The following DLC1 variants were observed in gnomAD, a reference collection of about 807,000 sequenced individuals.
DLC1 encodes rho GTPase-activating protein 7.
A neutral mutation model predicts 140.3 loss-of-function variants in DLC1; 54 were observed. That is an observed-to-expected ratio of 0.38 (90% CI 0.31 to 0.48). The LOEUF is 0.48. DLC1 is among the 20% of genes least tolerant of loss of function. The pLI is 0.96. For missense variants in DLC1, 2,536 were observed against 1,907.0 expected, an observed-to-expected ratio of 1.33 and a Z score of -6.14; for synonymous variants, 986 against 728.1, an observed-to-expected ratio of 1.35 and a Z score of -5.70.
chr8:13,320,161 G>T (rs913217404), intron 4 of DLC1, among the ~76,000 whole-genome samples: 1 of 152,038 alleles, frequency 6.6e-6, no homozygotes, highest in African/African-American at 2.4e-5. Context: ...AGGCTGGTTT[G>T]GGTTCTAAGT....
At chr8:13,111,442 A>G (rs961030125) in intron 6 of DLC1, among the ~76,000 whole-genome samples, 1 of 152,210 alleles carries the variant, frequency 6.6e-6, no homozygotes, top group African/African-American at 2.4e-5. Flanking sequence ...GCTATAGAAC[A>G]ACAGAATCTC....
At chr8:13,383,664 C>T (rs6994737) in intron 4 of DLC1, among the ~76,000 whole-genome samples, 19,949 of 152,120 alleles carry the variant, frequency 0.13, 1,483 homozygotes, top group Non-Finnish European at 0.17. Context: ...GTGATCAGTA[C>T]AGTACAGAAG....
At chr8:13,175,115 G>A (rs1825688191) in intron 5 of DLC1, among the ~76,000 whole-genome samples, 1 of 152,154 alleles carries the variant, frequency 6.6e-6, no homozygotes, top group Non-Finnish European at 1.5e-5. Context: ...ATTGAACAGA[G>A]AGTCCCTATC....
chr8:13,152,359 T>G (rs1207697095), intron 5 of DLC1, among the ~76,000 whole-genome samples: 1 of 152,222 alleles, frequency 6.6e-6, no homozygotes. Flanking sequence ...TTAAACTCTG[T>G]AATTCTGAGT....
intron 7 of DLC1, among the ~76,000 whole-genome samples, chr8:13,109,487 G>T (rs146216766): frequency 6.6e-6 from 1 of 152,050 alleles, no homozygotes; most frequent in African/African-American, 2.4e-5. Flanking sequence ...TAGCTGGGAG[G>T]TCAAGGCTGC....
chr8:13,393,227 C>T (rs865779652), intron 4 of DLC1, among the ~76,000 whole-genome samples: 1 of 152,074 alleles, frequency 6.6e-6, no homozygotes, highest in Non-Finnish European at 1.5e-5. Flanking sequence ...GTAAGCAATA[C>T]TGTCAAGATA....
intron 1 of DLC1, chr8:13,604,529 A>G (rs1021339417): frequency 6.6e-6 from 1 of 152,198 alleles, no homozygotes; most frequent in Non-Finnish European, 1.5e-5. Context: ...GAAGGAAAAG[A>G]GTTTTACCTG....
At chr8:13,236,338 T>C (rs779224470) in intron 5 of DLC1, among the ~76,000 whole-genome samples, 1 of 152,112 alleles carries the variant, frequency 6.6e-6, no homozygotes, top group Non-Finnish European at 1.5e-5. Context: ...AAGTTGATTA[T>C]CTGACGTCAG....
intron 4 of DLC1, among the ~76,000 whole-genome samples, chr8:13,390,882 G>T (rs1338790578): frequency 1.3e-5 from 2 of 152,036 alleles, no homozygotes; most frequent in East Asian, 3.9e-4. Context: ...CAGCTACTCG[G>T]GAGGCTGAGG....
chr8:13,540,491 C>T (rs1803445409), intron 1 of DLC1, among the ~76,000 whole-genome samples: 4 of 152,026 alleles, frequency 2.6e-5, no homozygotes, highest in Admixed American at 2.6e-4. Context: ...AACAGAAAAC[C>T]CCCACTCAGA....
intron 2 of DLC1, among the ~76,000 whole-genome samples, chr8:13,446,515 C>A (rs1426560050): frequency 6.7e-6 from 1 of 149,332 alleles, no homozygotes; most frequent in Non-Finnish European, 1.5e-5. Flanking sequence ...AGCCAGTGAA[C>A]TTTGGCTTTG....
upstream of DLC1, among the ~76,000 whole-genome samples, chr8:13,518,948 G>A (rs1802679358): frequency 1.3e-5 from 2 of 151,726 alleles, no homozygotes. Context: ...AGCTTTACAT[G>A]TGTTTTCTTT....
chr8:13,412,662 G>A (rs946121562), intron 2 of DLC1, among the ~76,000 whole-genome samples: 1 of 151,928 alleles, frequency 6.6e-6, no homozygotes, highest in Non-Finnish European at 1.5e-5. Flanking sequence ...CCCTTTGTGC[G>A]GTGGCTCACA....
chr8:13,584,750 T>C (rs1252814051), intron 1 of DLC1, among the ~76,000 whole-genome samples: 3 of 152,138 alleles, frequency 2.0e-5, no homozygotes, highest in African/African-American at 7.2e-5. Context: ...GAAGGGCAAC[T>C]TTCGCTCAAA....
At chr8:13,148,864 C>T (rs751336669) in intron 5 of DLC1, among the ~76,000 whole-genome samples, 12 of 152,094 alleles carry the variant, frequency 7.9e-5, no homozygotes, top group Non-Finnish European at 2.9e-5. Context: ...GCGATCTTGG[C>T]TCACTGCAAG....
At chr8:13,220,963 C>T (rs940894263) in intron 5 of DLC1, among the ~76,000 whole-genome samples, 13 of 152,122 alleles carry the variant, frequency 8.5e-5, no homozygotes, top group African/African-American at 2.9e-4. Flanking sequence ...TGATGAAATG[C>T]AGCCCCACGT....
chr8:13,286,546 A>T (rs899670410), intron 5 of DLC1, among the ~76,000 whole-genome samples: 1 of 152,152 alleles, frequency 6.6e-6, no homozygotes, highest in African/African-American at 2.4e-5. Flanking sequence ...ACATTATTAT[A>T]TGAGAATATG....
At chr8:13,313,059 T>C (rs768611021) in intron 4 of DLC1, among the ~76,000 whole-genome samples, 1 of 152,182 alleles carries the variant, frequency 6.6e-6, no homozygotes, top group Non-Finnish European at 1.5e-5. Context: ...TTTTTGCTGG[T>C]GTGAAATGCT....
At chr8:13,589,695 T>C (rs1458057401) in intron 1 of DLC1, among the ~76,000 whole-genome samples, 3 of 151,926 alleles carry the variant, frequency 2.0e-5, no homozygotes, top group South Asian at 2.1e-4. Flanking sequence ...CTCTGTTTTT[T>C]TTTTTTCACA....
Sources: allele counts gnomAD v4.1 joint callset (sites outside exome capture counted in the v4.1 genomes callset), GRCh38; gene constraint gnomAD v4.1.1; transcripts MANE v1.5; gene names NCBI Gene and HGNC (gene_info 2026-07-23, HGNC 2026-07-21).